The following RPTOR variants were observed in gnomAD, a reference collection of about 807,000 sequenced individuals.
RPTOR encodes the protein regulatory-associated protein of mTOR.
In RPTOR, 21 loss-of-function variants were observed where a neutral mutation model predicts 169.9. That is an observed-to-expected ratio of 0.12 (90% confidence interval 0.09 to 0.18). RPTOR has a LOEUF of 0.18. RPTOR is among the 10% of genes least tolerant of loss of function. The pLI is 1.00. For synonymous variants in RPTOR, 732 were observed against 753.2 expected (o/e 0.97, Z 0.46); for missense variants, 1,133 against 1,855.9 (o/e 0.61, Z 7.16).
At chr17:80,903,538 C>T (rs887970914) in intron 20 of RPTOR, among the ~76,000 whole-genome samples, 1 of 152,264 alleles carries the variant, frequency 6.6e-6, no homozygotes, top group Non-Finnish European at 1.5e-5. Context: ...GCAACTGCTT[C>T]TCCCTTGGTT....
At chr17:80,826,055 G>A (rs1027892393) in intron 9 of RPTOR, among the ~76,000 whole-genome samples, 1 of 152,112 alleles carries the variant, frequency 6.6e-6, no homozygotes, top group African/African-American at 2.4e-5. Context: ...TGGGAGGTGA[G>A]TGGGCCTGCC....
In RPTOR at chr17:80,820,681, A is replaced by C. The variant is rs920537043; in HGVS notation, c.891-1520A>C. Among the ~76,000 whole-genome samples the C allele has an allele frequency of 3.3e-5, 5 of 152,182 alleles. No homozygotes were observed. The highest frequency in any genetic ancestry group is 1.2e-4 in the African/African-American group (5 of 41,438). ...TGGCCATTCCTCCTGCGCACAGTGG[A>C]CATGCTTGTTCTGAAGCGAGAGCAG... On this transcript the variant is annotated intron_variant, in intron 7 of 33. Transcript: ENST00000306801. The surrounding 1 kb of genome is among the most constrained non-coding windows in gnomAD (Gnocchi z 4.1).
intron 3 of RPTOR, among the ~76,000 whole-genome samples, chr17:80,692,997 G>A (rs969539344): frequency 2.0e-5 from 3 of 152,184 alleles, no homozygotes; most frequent in Non-Finnish European, 4.4e-5. Flanking sequence ...ACGCACACAC[G>A]CACACAGTGT....
At chr17:80,632,572 G>A (rs1042654684) in intron 2 of RPTOR, among the ~76,000 whole-genome samples, 2 of 152,172 alleles carry the variant, frequency 1.3e-5, no homozygotes, top group Non-Finnish European at 2.9e-5. Context: ...TGCAGTTTAG[G>A]AATATCGTCT....
intron 3 of RPTOR, among the ~76,000 whole-genome samples, chr17:80,697,452 C>A (rs2066046447): frequency 6.6e-6 from 1 of 152,208 alleles, no homozygotes; most frequent in Non-Finnish European, 1.5e-5. Flanking sequence ...CACCAGGGAC[C>A]TGCCCCTGTC....
chr17:80,726,764 G>A lies in RPTOR; in HGVS notation c.508-3796G>A, dbSNP rs1489458722. 6.6e-6 allele frequency among the ~76,000 whole-genome samples: 1 copy of A among 152,162 alleles called. No individual in the cohort carries two copies. The highest frequency in any genetic ancestry group is 2.4e-5 in the African/African-American group (1 of 41,430). On this transcript the variant is annotated intron_variant, in intron 4 of 33. Transcript: ENST00000306801. This position sits in a 1 kb window ranked among gnomAD's most constrained non-coding sequence, Gnocchi z 4.5. ...GTTCGCTAAGCCCAGAACATTATAG[G>A]AGGTAAATAAATAGCACGCAGTGTT...
chr17:80,600,675 G>A (rs956477780), intron 1 of RPTOR, among the ~76,000 whole-genome samples: 4 of 152,190 alleles, frequency 2.6e-5, no homozygotes, highest in African/African-American at 9.7e-5. Context: ...AGGCTTCTCA[G>A]CTGGGCAGGG....
intron 1 of RPTOR, among the ~76,000 whole-genome samples, chr17:80,593,033 G>C (rs543417135): frequency 6.6e-6 from 1 of 152,316 alleles, no homozygotes; most frequent in South Asian, 2.1e-4. Flanking sequence ...TTACCCCACT[G>C]AGTGCCTTTG....
At chr17:80,916,596 G>A (rs1021687500) in intron 21 of RPTOR, among the ~76,000 whole-genome samples, 8 of 152,236 alleles carry the variant, frequency 5.3e-5, no homozygotes, top group African/African-American at 1.9e-4. Context: ...GTAAAAACTC[G>A]GGCAAAGGCG....
At chr17:80,867,127 A>G (rs988976185) in intron 13 of RPTOR, among the ~76,000 whole-genome samples, 6 of 152,166 alleles carry the variant, frequency 3.9e-5, no homozygotes, top group African/African-American at 1.2e-4. Context: ...ATTTTTGCAA[A>G]TTAAATTCAA....
chr17:80,728,082 T>C (rs990258401), intron 4 of RPTOR, among the ~76,000 whole-genome samples: 1 of 152,232 alleles, frequency 6.6e-6, no homozygotes, highest in Non-Finnish European at 1.5e-5. Context: ...TAGATTCTCA[T>C]TGTAATTTGC....
chr17:80,566,039 A>G (rs1255700384), intron 1 of RPTOR, among the ~76,000 whole-genome samples: 2 of 152,226 alleles, frequency 1.3e-5, no homozygotes, highest in East Asian at 3.8e-4. Flanking sequence ...AAGAGGCAAC[A>G]TAGTTTTTAT....
At chr17:80,867,374 A>C (rs2068005098) in intron 13 of RPTOR, among the ~76,000 whole-genome samples, 1 of 151,114 alleles carries the variant, frequency 6.6e-6, no homozygotes, top group South Asian at 2.1e-4. Context: ...AAAAAAAAAA[A>C]CTCCCTGCAG....
intron 31 of RPTOR, among the ~76,000 whole-genome samples, chr17:80,961,942 C>T (rs1424661351): frequency 6.6e-6 from 1 of 152,232 alleles, no homozygotes; most frequent in East Asian, 1.9e-4. Flanking sequence ...AGCATTTCTT[C>T]AAAGAGATGC....
chr17:80,896,358 A>ACGG (rs1567974442), intron 20 of RPTOR, among the ~76,000 whole-genome samples: 1 of 150,424 alleles, frequency 6.6e-6, no homozygotes. Flanking sequence ...GACACCCCAC[A>ACGG]CAGCCGCCCC....
intron 6 of RPTOR, among the ~76,000 whole-genome samples, chr17:80,780,069 T>C (rs1183752946): frequency 6.6e-6 from 1 of 152,132 alleles, no homozygotes; most frequent in Non-Finnish European, 1.5e-5. Context: ...GGATTTCTGC[T>C]CAGTAGCCTT....
At chr17:80,608,672 G>A (rs1280866860) in intron 1 of RPTOR, among the ~76,000 whole-genome samples, 1 of 152,106 alleles carries the variant, frequency 6.6e-6, no homozygotes, top group African/African-American at 2.4e-5. Flanking sequence ...GCCTTCTCAG[G>A]GCCACTGCCG....
At chr17:80,952,784 C>A (rs1356020868) in intron 28 of RPTOR, among the ~76,000 whole-genome samples, 1 of 151,748 alleles carries the variant, frequency 6.6e-6, no homozygotes, top group Non-Finnish European at 1.5e-5. Context: ...CTGCTGCCCC[C>A]CAAGTGACCA....
chr17:80,940,417 T>C (rs2069010122), intron 24 of RPTOR, 79 bp from the exon 25 acceptor site: 1 of 1,256,922 alleles, frequency 8.0e-7, no homozygotes, highest in African/African-American at 1.5e-5. Context: ...CGAGGGGTCC[T>C]AGAACCCATA....
Sources: gnomAD v4.1 joint callset for allele counts (sites outside exome capture counted in the v4.1 genomes callset) on GRCh38, gnomAD v4.1.1 for gene constraint, Gnocchi (gnomAD v3.1) non-coding constraint, MANE v1.5 for transcripts, NCBI Gene and HGNC (gene_info 2026-07-23, HGNC 2026-07-21) for gene names.